The following LAMB2 variants were observed in gnomAD, a reference collection of about 807,000 sequenced individuals.
LAMB2 encodes the protein laminin subunit beta 2.
LAMB2 carries 119 observed loss-of-function variants against 202.7 expected under a neutral mutation model. That is an observed-to-expected ratio of 0.59 (90% CI 0.51 to 0.68). The LOEUF (loss-of-function observed/expected upper bound fraction) is 0.68, where lower values mean the gene tolerates loss of function less well. LAMB2 is among the 30% of genes least tolerant of loss of function. The pLI is 0.00. For missense variants in LAMB2, 2,124 were observed against 2,410.6 expected, an observed-to-expected ratio of 0.88 and a Z score of 2.49; for synonymous variants, 818 against 902.2, an observed-to-expected ratio of 0.91 and a Z score of 1.67.
chr3:49,123,577 T>C lies in LAMB2; in HGVS notation c.3852A>G (p.Thr1284=), dbSNP rs1223476651. 25 of 1,614,206 alleles carry C rather than the reference T, an allele frequency of 1.5e-5. No individual in the cohort carries two copies. Among genetic ancestry groups the C allele is most frequent in the Non-Finnish European group, 2.1e-5 (25 of 1,180,046 alleles). ...CATTGAAGTTCTCATCTTGCACATC[T>C]GTCAGGTCTGCCTCGAGCTGAGTCA... ...EHLTQLEADL[T]DVQDENFNAN... Residue 1284 remains threonine, a synonymous_variant, in exon 25 of 32, where the codon ACA becomes ACG. Transcript: ENST00000305544.
chr3:49,121,622 G>A lies in LAMB2; in HGVS notation c.5101-30C>T, dbSNP rs771422017. 5 of 1,613,874 alleles carry A rather than the reference G, an allele frequency of 3.1e-6. No individual in the cohort carries two copies. In the South Asian group the frequency reaches 3.3e-5, roughly 11 times the overall value. On this transcript the variant is annotated intron_variant, in intron 30 of 31. Coordinates refer to ENST00000305544, the MANE Select transcript of LAMB2 (RefSeq NM_002292.4). Reference sequence around the variant, plus strand: ...AGATGTAGAGGGTTAGGTTAGCGTGGTAGCTCAGTGGAGGCCCATCTTCCA... The same window carrying A: ...AGATGTAGAGGGTTAGGTTAGCGTGATAGCTCAGTGGAGGCCCATCTTCCA...
rs377055833 is a variant in LAMB2, at chr3:49,131,449, A to T, written c.649-7T>A. Reference sequence around the variant, plus strand: ...CCAGCACACGATAGATGACCTGGAGAAGCAGGGAGTTCATAGTCACACTGG... The same window carrying T: ...CCAGCACACGATAGATGACCTGGAGTAGCAGGGAGTTCATAGTCACACTGG... On this transcript the variant is annotated splice_region_variant and splice_polypyrimidine_tract_variant and intron_variant, in intron 5 of 31. Coordinates refer to ENST00000305544, the MANE Select transcript of LAMB2 (RefSeq NM_002292.4). This position sits in a 1 kb window ranked among gnomAD's most constrained non-coding sequence, Gnocchi z 5.0. 2 of 1,613,888 alleles carry T rather than the reference A, an allele frequency of 1.2e-6. No homozygotes were observed. Among genetic ancestry groups the T allele is most frequent in the African/African-American group, 2.7e-5 (2 of 74,880 alleles).
chr3:49,129,176 C>T lies in LAMB2; in HGVS notation c.1599-24G>A. ...ACCTGGAGGGAACTCTGTGGTTACTCAAGAAGAACCTTCTCTTCTGCTCAG... is the reference window on the plus strand; with the variant it reads ...ACCTGGAGGGAACTCTGTGGTTACTTAAGAAGAACCTTCTCTTCTGCTCAG... On this transcript the variant is annotated intron_variant, in intron 12 of 31. Coordinates refer to ENST00000305544, the MANE Select transcript of LAMB2 (RefSeq NM_002292.4). The surrounding 1 kb of genome is among the most constrained non-coding windows in gnomAD (Gnocchi z 6.1). 1.9e-6 allele frequency: 3 copies of T among 1,614,084 alleles called. No individual in the cohort carries two copies. Among genetic ancestry groups the T allele is most frequent in the African/African-American group, 2.7e-5 (2 of 75,048 alleles).
At position 49,124,489 on chromosome 3, in the gene LAMB2, C is replaced by A. The variant is rs373712709; in HGVS notation, c.3233G>T (p.Arg1078Leu). Residue 1078 changes from arginine (R) to leucine (L), a missense_variant, in exon 22 of 32, where the codon CGC (arginine) becomes CTC (leucine). Physicochemically the swap from Arg to Leu is moderately radical, Grantham distance 102 (BLOSUM62 -2). Transcript: ENST00000305544. ...GAGGTTCCAGAAGTTGGGGGCACAG[C>A]GGTCACAGCTAGGGCCCTGGACATT... ...LPNVQGPSCD[R>L]CAPNFWNLTS... The A allele has an allele frequency of 6.2e-7, 1 of 1,613,626 alleles. No homozygotes were observed. Among genetic ancestry groups the A allele is most frequent in the South Asian group, 1.1e-5 (1 of 91,090 alleles).
Position 49,124,284 on chromosome 3 carries a change from G to C in LAMB2, c.3330C>G (p.Phe1110Leu), listed in dbSNP as rs145578707. The C allele has an allele frequency of 3.7e-6, 6 of 1,613,884 alleles. No homozygotes were observed. In the African/African-American group the frequency reaches 8.0e-5, roughly 22 times the overall value. The stretch of plus-strand genomic sequence containing the variant: ...CGGCACGGCAGTGGCACTGCCCTGT[G>C]AACTGGGGTGGGAACAAGGCAGGGT... The part of the protein sequence containing the change: ...SRARGPTCNE[F>L]TGQCHCRAGF... The change falls in exon 23 of 32, where the codon TTC (phenylalanine) becomes TTG (leucine). Residue 1110 changes from phenylalanine to leucine, a missense_variant and splice_region_variant. Transcript: ENST00000305544.
chr3:49,128,185 T>C (rs752429178), intron 15 of LAMB2, among the ~76,000 whole-genome samples: 1 of 152,140 alleles, frequency 6.6e-6, no homozygotes, highest in Non-Finnish European at 1.5e-5. Context: ...CCACCACCAC[T>C]GTGGACCCTC....
At position 49,123,291 on chromosome 3, in the gene LAMB2, A is replaced by G; in HGVS notation, c.4065T>C (p.Pro1355=). Reference sequence around the variant, plus strand: ...CACTTGCCGAGTTGCTCACAGGGCTAGGTACTGCCAGGGCTGAGGTATTGG... The same window carrying G: ...CACTTGCCGAGTTGCTCACAGGGCTGGGTACTGCCAGGGCTGAGGTATTGG... The part of the protein sequence containing the change: ...RRANTSALAV[P]SPVSNSASAR... Residue 1355 remains proline (P), a synonymous_variant, in exon 26 of 32, where the codon CCT becomes CCC. Transcript: ENST00000305544. 6.2e-7 allele frequency: 1 copy of G among 1,614,102 alleles called. No homozygotes were observed. The highest frequency in any genetic ancestry group is 1.1e-5 in the South Asian group (1 of 91,086).
rs2045470553 is a variant in LAMB2 at position 49,130,669 on chromosome 3, GCT to G, written c.1036+69_1036+70del. ...TGGGTTTTAGGGGCTTGACCAACTA[GCT>G]CTAGGTTCTACCCAGGGCACAGCCA... On this transcript the variant is annotated intron_variant, in intron 8 of 31. Transcript: ENST00000305544. This position sits in a 1 kb window ranked among gnomAD's most constrained non-coding sequence, Gnocchi z 5.0. The G allele has an allele frequency of 5.0e-6, 8 of 1,605,954 alleles. No individual in the cohort carries two copies. Among genetic ancestry groups the G allele is most frequent in the Non-Finnish European group, 6.8e-6 (8 of 1,177,636 alleles).
chr3:49,123,109 C>T lies in LAMB2; in HGVS notation c.4224+23G>A, dbSNP rs776896336. ...GAGAGGAACATCTACACCCACCTGC[C>T]CCACCCAACACTTCAACCTCACCAG... On this transcript the variant is annotated intron_variant, in intron 26 of 31. Transcript: ENST00000305544. 9 of 1,608,834 alleles carry T rather than the reference C, an allele frequency of 5.6e-6. No individual in the cohort carries two copies. The South Asian group carries it at 8.8e-5, about 16-fold the overall frequency.
At position 49,130,810 on chromosome 3, in the gene LAMB2, C is replaced by T; in HGVS notation, c.966G>A (p.Glu322=). 6.2e-7 allele frequency: 1 copy of T among 1,614,194 alleles called. No individual in the cohort carries two copies. The highest frequency in any genetic ancestry group is 8.5e-7 in the Non-Finnish European group (1 of 1,180,040). Residue 322 remains glutamate, a synonymous_variant, in exon 8 of 32, where the codon GAG becomes GAA. Coordinates refer to ENST00000305544, the MANE Select transcript of LAMB2 (RefSeq NM_002292.4). This position sits in a 1 kb window ranked among gnomAD's most constrained non-coding sequence, Gnocchi z 5.0. ...CKHNTRGLNC[E]QCQDFYRDLP... ...GGTCACGATAGAAATCCTGACACTG[C>T]TCGCAGTTGAGGCCACGTGTGTTGT... is the stretch of plus-strand genomic sequence containing the variant.
Position 49,132,707 on chromosome 3 carries a change from T to C in LAMB2, c.77-44A>G, listed in dbSNP as rs1344384504. ...TCAGTTCCGCTGAGTTCCTATCCAG[T>C]GGCTCCACCTCATGTGCCCCAAGGG... On this transcript the variant is annotated intron_variant, in intron 1 of 31. Coordinates refer to ENST00000305544, the MANE Select transcript of LAMB2 (RefSeq NM_002292.4). This position sits in a 1 kb window ranked among gnomAD's most constrained non-coding sequence, Gnocchi z 4.6. 1.9e-6 allele frequency: 3 copies of C among 1,613,888 alleles called. No individual in the cohort carries two copies. The highest frequency in any genetic ancestry group is 1.7e-5 in the Admixed American group (1 of 60,014).
At chr3:49,123,079 C>T (rs376044443) in intron 26 of LAMB2, 27 bp from the exon 27 acceptor site, 18 of 1,606,600 alleles carry the variant, frequency 1.1e-5, no homozygotes, top group East Asian at 4.5e-5. Context: ...AAGTCAGGGC[C>T]CTGTGAGAGG....
In LAMB2 at chr3:49,131,315, T is replaced by C. The variant is rs1481941535; in HGVS notation, c.712+64A>G. 1.5e-5 allele frequency: 24 copies of C among 1,572,916 alleles called. No homozygotes were observed. The highest frequency in any genetic ancestry group is 2.1e-5 in the Non-Finnish European group (24 of 1,145,528). ...CCTAGGAAGCACCCAAAATAGTTAC[T>C]GAGGCCCCAAATAGTCCCTAGCCGG... On this transcript the variant is annotated intron_variant, in intron 6 of 31. Coordinates refer to ENST00000305544, the MANE Select transcript of LAMB2 (RefSeq NM_002292.4). The surrounding 1 kb of genome is among the most constrained non-coding windows in gnomAD (Gnocchi z 5.0).
At chr3:49,122,137 G>C (rs1165473385) in intron 28 of LAMB2, 26 bp downstream of exon 28, 1 of 1,613,510 alleles carries the variant, frequency 6.2e-7, no homozygotes, top group South Asian at 1.1e-5. Flanking sequence ...AGGTGTCAGG[G>C]ATAGGGGCCA....
chr3:49,129,152 C>T lies in LAMB2; in HGVS notation c.1599G>A (p.Gln533=), dbSNP rs1459946270. 1 of 1,614,104 alleles carries T rather than the reference C, an allele frequency of 6.2e-7. No individual in the cohort carries two copies. The highest frequency in any genetic ancestry group is 8.5e-7 in the Non-Finnish European group (1 of 1,180,050). ...GGCATTGACCTGTGCCCTCATCACA[C>T]CTGGAGGGAACTCTGTGGTTACTCA... ...DCDVGGALDP[Q]CDEGTGQCHC... Residue 533 remains glutamine (Q), a splice_region_variant and synonymous_variant, in exon 13 of 32, where the codon CAG becomes CAA. Transcript: ENST00000305544. The surrounding 1 kb of genome is among the most constrained non-coding windows in gnomAD (Gnocchi z 6.1).
chr3:49,128,430 T>C (rs1406819450), intron 15 of LAMB2, 28 bp downstream of exon 15: 2 of 1,610,384 alleles, frequency 1.2e-6, no homozygotes, highest in African/African-American at 1.3e-5. Context: ...CCCCCTGCCA[T>C]TGTGAGTGCT....
At position 49,125,036 on chromosome 3, in the gene LAMB2, T is replaced by C. The variant is rs146962414; in HGVS notation, c.2854A>G (p.Ile952Val). The C allele has an allele frequency of 3.7e-6, 6 of 1,613,764 alleles. No homozygotes were observed. In the South Asian group the frequency reaches 5.5e-5, roughly 15 times the overall value. Residue 952 changes from isoleucine (I) to valine (V), a missense_variant, in exon 20 of 32, where the codon ATT becomes GTT. Transcript: ENST00000305544. ...SCHQDEYSQQ[I>V]VCHCRAGYTG... ...TAGCCTGCCCGGCAGTGGCACACAA[T>C]CTGCTGGGAATATTCATCCTGGTGG...
In LAMB2 at chr3:49,132,041, G is replaced by A; in HGVS notation, c.459+75C>T. Reference sequence around the variant, plus strand: ...TCCATGCTCAAGGAGGCTGTGTTAAGGAGCTGAGGCTCTGTCCAGGGGCAA... The same window carrying A: ...TCCATGCTCAAGGAGGCTGTGTTAAAGAGCTGAGGCTCTGTCCAGGGGCAA... On this transcript the variant is annotated intron_variant, in intron 4 of 31. Coordinates refer to ENST00000305544, the MANE Select transcript of LAMB2 (RefSeq NM_002292.4). This position sits in a 1 kb window ranked among gnomAD's most constrained non-coding sequence, Gnocchi z 4.6. The A allele has an allele frequency of 7.2e-7, 1 of 1,397,374 alleles. No homozygotes were observed. The highest frequency in any genetic ancestry group is 1.0e-6 in the Non-Finnish European group (1 of 983,494). The allele number at this position is 1,397,374 out of a possible 1,614,324, so 86.6% of individuals were successfully genotyped here.
Position 49,124,497 on chromosome 3 carries a change from G to C in LAMB2, c.3225C>G (p.Ser1075Arg). 3.7e-6 allele frequency: 6 copies of C among 1,613,822 alleles called. No individual in the cohort carries two copies. Among genetic ancestry groups the C allele is most frequent in the Non-Finnish European group, 5.1e-6 (6 of 1,180,040 alleles). ...CPCLPNVQGP[S>R]CDRCAPNFWN... ...AGAAGTTGGGGGCACAGCGGTCACA[G>C]CTAGGGCCCTGGACATTGGGGAGGC... The change falls in exon 22 of 32, where the codon AGC (serine) becomes AGG (arginine). Residue 1075 changes from serine (S) to arginine (R), a missense_variant. By Grantham distance (110) the Ser-to-Arg change is moderately radical. Transcript: ENST00000305544.
Sources: gnomAD v4.1 joint callset for allele counts (sites outside exome capture counted in the v4.1 genomes callset) on GRCh38, gnomAD v4.1.1 for gene constraint, Gnocchi (gnomAD v3.1) non-coding constraint, MANE v1.5 for transcripts, NCBI Gene and HGNC (gene_info 2026-07-23, HGNC 2026-07-21) for gene names.